Variants in WDR70 observed in about 807,000 individuals in gnomAD.
WDR70 encodes WD repeat-containing protein 70.
WDR70 carries 53 observed loss-of-function variants against 88.6 expected under a neutral mutation model. The ratio of observed to expected loss-of-function variants is 0.60; its 90% confidence interval spans 0.48 to 0.75. The LOEUF is 0.75. Ranked by LOEUF, WDR70 falls within the 30% of genes least tolerant of loss-of-function variation. The pLI, the probability that WDR70 is intolerant of heterozygous loss-of-function variation, is 0.00. For synonymous variants in WDR70, 280 were observed against 270.0 expected, an observed-to-expected ratio of 1.04 and a Z score of -0.36; for missense variants, 610 against 823.2, an observed-to-expected ratio of 0.74 and a Z score of 3.17.
intron 13 of WDR70, 125 bp downstream of exon 13, chr5:37,703,212 C>T (rs1487707410): frequency 8.4e-7 from 1 of 1,189,780 alleles, no homozygotes; most frequent in African/African-American, 1.5e-5. Flanking sequence ...AGCTGCTTTT[C>T]ACTCTAGCGT....
At chr5:37,524,430 T>G (rs1741193922) in intron 9 of WDR70, among the ~76,000 whole-genome samples, 1 of 152,120 alleles carries the variant, frequency 6.6e-6, no homozygotes, top group African/African-American at 2.4e-5. Flanking sequence ...AAGCAAATGC[T>G]GAGAGATTTT....
chr5:37,398,270 A>C (rs544371469), intron 5 of WDR70, among the ~76,000 whole-genome samples: 1 of 151,984 alleles, frequency 6.6e-6, no homozygotes, highest in South Asian at 2.1e-4. Flanking sequence ...TCGTATTTTT[A>C]GTAGAGATGA....
intron 17 of WDR70, among the ~76,000 whole-genome samples, chr5:37,747,018 T>A (rs1299280171): frequency 2.6e-5 from 4 of 152,148 alleles, no homozygotes; most frequent in African/African-American, 9.7e-5. Flanking sequence ...GCAAAAATCC[T>A]CAATAAAATA....
At chr5:37,687,817 C>T in intron 10 of WDR70, 4 of 493,304 alleles carry the variant, frequency 8.1e-6, no homozygotes, top group South Asian at 3.8e-5. Context: ...GTCTTTCTAC[C>T]TTAGAATCCC....
chr5:37,513,001 G>A (rs563617209), intron 8 of WDR70, among the ~76,000 whole-genome samples: 43 of 152,334 alleles, frequency 2.8e-4, no homozygotes, highest in Non-Finnish European at 5.7e-4. Context: ...TTACAGGGTA[G>A]ATAGTTATCT....
chr5:37,464,621 C>T (rs1327117559), intron 7 of WDR70, among the ~76,000 whole-genome samples: 1 of 152,158 alleles, frequency 6.6e-6, no homozygotes, highest in Non-Finnish European at 1.5e-5. Flanking sequence ...AAGATCCAGA[C>T]CCTGTTTGAG....
At chr5:37,605,606 T>G (rs1410487291) in intron 10 of WDR70, among the ~76,000 whole-genome samples, 2 of 152,170 alleles carry the variant, frequency 1.3e-5, no homozygotes, top group African/African-American at 4.8e-5. Flanking sequence ...AAAATACCCT[T>G]TAAAAGATTT....
chr5:37,569,836 G>C (rs1742849577), intron 9 of WDR70, among the ~76,000 whole-genome samples: 1 of 152,090 alleles, frequency 6.6e-6, no homozygotes, highest in South Asian at 2.1e-4. Context: ...TATAATTTTA[G>C]GCCTAAAGGA....
chr5:37,452,741 A>G (rs1259206361), intron 7 of WDR70, among the ~76,000 whole-genome samples: 2 of 152,248 alleles, frequency 1.3e-5, no homozygotes, highest in African/African-American at 4.8e-5. Flanking sequence ...ATATGGAAAC[A>G]TAGTATGATG....
intron 17 of WDR70, among the ~76,000 whole-genome samples, chr5:37,731,001 C>T (rs72743192): frequency 6.6e-6 from 1 of 152,032 alleles, no homozygotes; most frequent in Admixed American, 6.6e-5. Flanking sequence ...TGTCATGAAG[C>T]CATCAAGTGT....
chr5:37,430,849 C>T (rs113818186), intron 5 of WDR70, among the ~76,000 whole-genome samples: 5,137 of 151,978 alleles, frequency 0.034, 135 homozygotes, highest in Admixed American at 0.076. Flanking sequence ...TGCGAGCCAC[C>T]GTGCCCAGCA....
intron 13 of WDR70, among the ~76,000 whole-genome samples, chr5:37,711,987 C>CTTTTTTTTTTTTTTTTTTTT (rs70978842): frequency 1.9e-5 from 2 of 104,022 alleles, no homozygotes; most frequent in African/African-American, 3.7e-5. Flanking sequence ...TATATTTTTT[C>CTTTTTTTTTTTTTTTTTTTT]TTTTTTTTTT....
chr5:37,624,280 CAT>C (rs1744604099), intron 10 of WDR70, among the ~76,000 whole-genome samples: 2 of 152,162 alleles, frequency 1.3e-5, no homozygotes, highest in Non-Finnish European at 2.9e-5. Context: ...TTTTCTCTCA[CAT>C]GAGTGAGAAC....
chr5:37,666,272 T>C (rs6889115), intron 10 of WDR70, among the ~76,000 whole-genome samples: 147,748 of 152,312 alleles, frequency 0.97, 71,828 homozygotes, highest in East Asian at 1. Context: ...GATCCCCAAC[T>C]CCTGTTACCC....
chr5:37,422,987 C>T (rs12110216), intron 5 of WDR70, among the ~76,000 whole-genome samples: 5,405 of 152,014 alleles, frequency 0.036, 334 homozygotes, highest in African/African-American at 0.12. Context: ...TTGATTGCTA[C>T]CAAGGTGGTG....
intron 5 of WDR70, among the ~76,000 whole-genome samples, chr5:37,435,890 A>G (rs1750451356): frequency 6.6e-6 from 1 of 152,036 alleles, no homozygotes; most frequent in Admixed American, 6.6e-5. Flanking sequence ...TGTCTGCCAT[A>G]TACCAGCTTT....
chr5:37,667,008 A>G (rs917710923), intron 10 of WDR70, among the ~76,000 whole-genome samples: 9 of 152,146 alleles, frequency 5.9e-5, no homozygotes, highest in African/African-American at 1.9e-4. Flanking sequence ...TGCTATTACT[A>G]TGTACCAGCC....
At chr5:37,382,849 C>T (rs1748473435) in intron 3 of WDR70, among the ~76,000 whole-genome samples, 1 of 151,942 alleles carries the variant, frequency 6.6e-6, no homozygotes, top group Non-Finnish European at 1.5e-5. Context: ...CCCGTCTTGA[C>T]TGAAAATAGA....
chr5:37,739,724 C>T (rs1297627174), intron 17 of WDR70, among the ~76,000 whole-genome samples: 1 of 152,014 alleles, frequency 6.6e-6, no homozygotes, highest in African/African-American at 2.4e-5. Flanking sequence ...ATACACGTGC[C>T]ATGGTGGTTT....
Sources: allele counts gnomAD v4.1 joint callset (sites outside exome capture counted in the v4.1 genomes callset), GRCh38; gene constraint gnomAD v4.1.1; transcripts MANE v1.5; gene names NCBI Gene and HGNC (gene_info 2026-07-23, HGNC 2026-07-21).